SRPK2: variants seen among roughly 807,000 people sequenced by gnomAD.
The protein encoded by SRPK2 is SRSF protein kinase 2, also known as SFRS protein kinase 2.
SRPK2 carries 21 observed loss-of-function variants against 90.8 expected under a neutral mutation model. The observed-to-expected ratio is 0.23, with a 90% CI of 0.16 to 0.33. The LOEUF is 0.33. Ranked by LOEUF, SRPK2 falls within the 10% of genes least tolerant of loss-of-function variation. The pLI is 1.00. For missense variants in SRPK2, 620 were observed against 869.0 expected (o/e 0.71, Z 3.60); for synonymous variants, 288 against 311.1 (o/e 0.93, Z 0.78).
intron 2 of SRPK2, among the ~76,000 whole-genome samples, chr7:105,254,673 T>TTTG (rs952354260): frequency 6.6e-5 from 10 of 152,028 alleles, no homozygotes; most frequent in Non-Finnish European, 1.2e-4. Context: ...TTGTTTTTTT[T>TTTG]TTGTTGTTGT....
chr7:105,348,888 G>A lies in SRPK2; in HGVS notation c.71+39760C>T, dbSNP rs576344232. ...GCAGCCGGGCGCAGTGGCTCACGCCGTAATCCCAGCACTTTGGGAGGCCAA... is the reference window on the plus strand; with the variant it reads ...GCAGCCGGGCGCAGTGGCTCACGCCATAATCCCAGCACTTTGGGAGGCCAA... On this transcript the variant is annotated intron_variant, in intron 2 of 15. Coordinates refer to ENST00000393651, the MANE Select transcript of SRPK2 (RefSeq NM_182692.3). 7.3e-5 allele frequency among the ~76,000 whole-genome samples: 11 copies of A among 150,870 alleles called. No homozygotes were observed. In the East Asian group the frequency reaches 1.4e-3, roughly 19 times the overall value.
Position 105,145,325 on chromosome 7 carries a change from CA to C in SRPK2, c.788-18del. ...CCGTACTCACTAAAATAAAATCAAA[CA>C]AAATCTGTATTTAGCAGAAAACAGA... On this transcript the variant is annotated intron_variant, in intron 8 of 15. Transcript: ENST00000393651. 1 of 1,583,268 alleles carries C rather than the reference CA, an allele frequency of 6.3e-7. No individual in the cohort carries two copies. The highest frequency in any genetic ancestry group is 8.6e-7 in the Non-Finnish European group (1 of 1,163,922).
At chr7:105,180,945 G>T (rs1461721618) in intron 3 of SRPK2, among the ~76,000 whole-genome samples, 2 of 152,068 alleles carry the variant, frequency 1.3e-5, no homozygotes, top group Non-Finnish European at 2.9e-5. Flanking sequence ...CAACCTACAG[G>T]ATGGCAGAAA....
chr7:105,300,277 A>T (rs1256889828), intron 2 of SRPK2, among the ~76,000 whole-genome samples: 3 of 145,324 alleles, frequency 2.1e-5, no homozygotes, highest in Non-Finnish European at 3.0e-5. Context: ...AAAAAAAAAA[A>T]AGTATATATA....
At chr7:105,132,705 G>A (rs1802194534) in intron 13 of SRPK2, 86 bp downstream of exon 13, 7 of 1,079,416 alleles carry the variant, frequency 6.5e-6, no homozygotes, top group Non-Finnish European at 9.4e-6. Flanking sequence ...AACTGAGGTC[G>A]CATGCCTCAG....
chr7:105,385,811 T>C (rs1051486549), intron 2 of SRPK2, among the ~76,000 whole-genome samples: 7 of 152,216 alleles, frequency 4.6e-5, no homozygotes, highest in Admixed American at 3.3e-4. Flanking sequence ...TAACGGTGCC[T>C]ACCTCTTAGG....
At chr7:105,116,224 CAAT>C (rs966195685), downstream of SRPK2, among the ~76,000 whole-genome samples, 68 of 152,204 alleles carry the variant, frequency 4.5e-4, no homozygotes, top group African/African-American at 1.5e-3. Context: ...CCTTAAAAAA[CAAT>C]AAATGATTTC....
intron 2 of SRPK2, among the ~76,000 whole-genome samples, chr7:105,216,433 A>G (rs1353402634): frequency 6.6e-6 from 1 of 151,726 alleles, no homozygotes; most frequent in African/African-American, 2.4e-5. Context: ...CCCCCCAAAA[A>G]CTCCTTTCAG....
At chr7:105,349,240 G>C (rs1307189925) in intron 2 of SRPK2, among the ~76,000 whole-genome samples, 1 of 148,586 alleles carries the variant, frequency 6.7e-6, no homozygotes, top group Non-Finnish European at 1.5e-5. Context: ...AGAATTAAGG[G>C]GGCCAAGCAT....
intron 7 of SRPK2, among the ~76,000 whole-genome samples, chr7:105,158,628 G>A (rs904337974): frequency 3.3e-5 from 5 of 152,150 alleles, no homozygotes; most frequent in African/African-American, 9.7e-5. Context: ...AAGCCCCTCT[G>A]AAAGCATGAG....
chr7:105,305,188 C>T (rs1811006956), intron 2 of SRPK2, among the ~76,000 whole-genome samples: 1 of 152,122 alleles, frequency 6.6e-6, no homozygotes, highest in Non-Finnish European at 1.5e-5. Context: ...GCCTGTAATC[C>T]CAGCACTTTG....
chr7:105,306,703 T>G, intron 2 of SRPK2: 1 of 337,878 alleles, frequency 3.0e-6, no homozygotes, highest in Admixed American at 4.4e-5. Flanking sequence ...TTATCTGCAA[T>G]CCATTTTAAT....
At chr7:105,159,462 A>AAAAAAAAAAAAAC (rs1807147080) in intron 7 of SRPK2, among the ~76,000 whole-genome samples, 3 of 147,804 alleles carry the variant, frequency 2.0e-5, no homozygotes, top group African/African-American at 7.5e-5. Context: ...AAAAAAAAAA[A>AAAAAAAAAAAAAC]AAAAAAAAAA....
intron 7 of SRPK2, among the ~76,000 whole-genome samples, chr7:105,152,644 T>C (rs530559709): frequency 1.3e-5 from 2 of 152,140 alleles, no homozygotes; most frequent in East Asian, 3.9e-4. Flanking sequence ...CATGGATAGA[T>C]CTCCCCTTGC....
chr7:105,267,807 C>T (rs1805300996), intron 2 of SRPK2, among the ~76,000 whole-genome samples: 1 of 151,876 alleles, frequency 6.6e-6, no homozygotes. Flanking sequence ...CCTTAACTAC[C>T]ACATTATTTC....
intron 2 of SRPK2, among the ~76,000 whole-genome samples, chr7:105,325,495 A>AAT: frequency 6.6e-6 from 1 of 150,932 alleles, no homozygotes; most frequent in African/African-American, 2.4e-5. Flanking sequence ...TCAAAAAAAA[A>AAT]AAAAAAAAAT....
chr7:105,212,086 C>T (rs548580265), intron 2 of SRPK2, among the ~76,000 whole-genome samples: 1 of 152,288 alleles, frequency 6.6e-6, no homozygotes, highest in South Asian at 2.1e-4. Context: ...TTGCAAAAAG[C>T]AAACCTCTGG....
At chr7:105,397,712 G>T (rs951925971) in intron 1 of SRPK2, among the ~76,000 whole-genome samples, 1 of 148,866 alleles carries the variant, frequency 6.7e-6, no homozygotes, top group African/African-American at 2.5e-5. Context: ...GGCACCATCT[G>T]AGCTCACTAC....
At chr7:105,246,097 T>A (rs1801622785) in intron 2 of SRPK2, among the ~76,000 whole-genome samples, 1 of 152,120 alleles carries the variant, frequency 6.6e-6, no homozygotes. Flanking sequence ...TTTGCTAGAG[T>A]AAGATTAGGG....
Sources: gnomAD v4.1 joint callset for allele counts (sites outside exome capture counted in the v4.1 genomes callset) on GRCh38, gnomAD v4.1.1 for gene constraint, MANE v1.5 for transcripts, NCBI Gene and HGNC (gene_info 2026-07-23, HGNC 2026-07-21) for gene names.